Variants in ENAH observed in about 807,000 individuals in gnomAD.
ENAH encodes protein enabled homolog.
A neutral mutation model predicts 78.7 loss-of-function variants in ENAH; 23 were observed. The ratio of observed to expected loss-of-function variants is 0.29; its 90% CI spans 0.21 to 0.41. The LOEUF (loss-of-function observed/expected upper bound fraction) is 0.41. Ranked by LOEUF, ENAH falls within the 10% of genes least tolerant of loss-of-function variation. The pLI is 1.00. For synonymous variants in ENAH, 226 were observed against 241.0 expected, an observed-to-expected ratio of 0.94 and a Z score of 0.58; for missense variants, 544 against 691.0, an observed-to-expected ratio of 0.79 and a Z score of 2.39.
chr1:225,629,407 GA>G (rs1658576521), intron 1 of ENAH, among the ~76,000 whole-genome samples: 1 of 152,050 alleles, frequency 6.6e-6, no homozygotes, highest in African/African-American at 2.4e-5. Context: ...CCAACATGGT[GA>G]AACCCCACCT....
intron 3 of ENAH, among the ~76,000 whole-genome samples, chr1:225,543,999 C>A (rs925813982): frequency 6.6e-6 from 1 of 152,074 alleles, no homozygotes; most frequent in East Asian, 1.9e-4. Context: ...TCCAAATGCA[C>A]GAAAGCACAG....
intron 1 of ENAH, 66 bp downstream of exon 1, chr1:225,652,620 G>C: frequency 8.0e-7 from 1 of 1,252,204 alleles, no homozygotes; most frequent in Non-Finnish European, 1.0e-6. Context: ...GGGGTCCGAG[G>C]AGAACGGGGG....
At chr1:225,601,305 T>G (rs530524254) in intron 1 of ENAH, among the ~76,000 whole-genome samples, 1 of 152,182 alleles carries the variant, frequency 6.6e-6, no homozygotes, top group East Asian at 1.9e-4. Context: ...CGGATCACGA[T>G]GTCAGGAGAT....
chr1:225,586,117 G>A (rs1008365961), intron 1 of ENAH, among the ~76,000 whole-genome samples: 2 of 151,972 alleles, frequency 1.3e-5, no homozygotes, highest in Non-Finnish European at 2.9e-5. Context: ...TTGGGAAGAT[G>A]AGGCTGGAGG....
chr1:225,519,250 C>T lies in ENAH; in HGVS notation c.750G>A (p.Gln250=), dbSNP rs2096446596. Residue 250 remains glutamine, a synonymous_variant, in exon 5 of 14, where the codon CAG becomes CAA. Coordinates refer to ENST00000366843, the MANE Select transcript of ENAH (RefSeq NM_018212.6). ...RERQERERQE[Q]LEREQLEWER... ...CCCATTCCAGCTGTTCCCTTTCTAA[C>T]TGCTCTTGTCGCTCCCTTTCTTGCC... is the stretch of plus-strand genomic sequence containing the variant. 2 of 1,614,132 alleles carry T rather than the reference C, an allele frequency of 1.2e-6. No individual in the cohort carries two copies. The highest frequency in any genetic ancestry group is 1.7e-5 in the Admixed American group (1 of 60,016).
intron 6 of ENAH, among the ~76,000 whole-genome samples, chr1:225,516,894 GA>G (rs946934425): frequency 8.8e-5 from 13 of 148,100 alleles, no homozygotes; most frequent in Non-Finnish European, 1.7e-4. Flanking sequence ...AAAAAAAAAA[GA>G]AAAAAATAAA....
intron 3 of ENAH, among the ~76,000 whole-genome samples, chr1:225,543,985 C>T (rs2096601475): frequency 6.6e-6 from 1 of 152,312 alleles, no homozygotes; most frequent in Admixed American, 6.5e-5. Context: ...GGCACCATCA[C>T]GCTTCCAAAT....
chr1:225,565,442 TAA>T (rs11286134), intron 2 of ENAH, among the ~76,000 whole-genome samples: 27 of 149,484 alleles, frequency 1.8e-4, no homozygotes, highest in Admixed American at 2.7e-4. Context: ...TCTCAAATAA[TAA>T]AAAAAAAAAA....
intron 1 of ENAH, among the ~76,000 whole-genome samples, chr1:225,580,912 C>CAAAAAAA (rs78529288): frequency 2.0e-4 from 13 of 63,892 alleles, no homozygotes; most frequent in East Asian, 4.5e-4. Context: ...AGAAAAAAAC[C>CAAAAAAA]AAAAAAAAAA....
rs1391942281 is a variant in ENAH, at chr1:225,492,105, G to C, written c.*5670C>G. On this transcript the variant is annotated 3_prime_UTR_variant, in exon 14 of 14. Coordinates refer to ENST00000366843, the MANE Select transcript of ENAH (RefSeq NM_018212.6). ...AGAATTTTTTTTTTTTTTTTTTAGAGACAGGTTCTCGCTCTGTCACCCAGG... is the reference window on the plus strand; with the variant it reads ...AGAATTTTTTTTTTTTTTTTTTAGACACAGGTTCTCGCTCTGTCACCCAGG... 1 of 140,830 alleles carries C rather than the reference G, an allele frequency of 7.1e-6. No homozygotes were observed. Among genetic ancestry groups the C allele is most frequent in the Admixed American group, 7.4e-5 (1 of 13,576 alleles). The allele number at this position is 140,830 out of a possible 1,614,324, so 8.7% of individuals were successfully genotyped here.
At position 225,519,206 on chromosome 1, in the gene ENAH, G is replaced by A. The variant is rs150540046; in HGVS notation, c.794C>T (p.Ser265Leu). The A allele has an allele frequency of 2.5e-4, 400 of 1,613,826 alleles. No individual in the cohort carries two copies. The African/African-American group carries it at 3.2e-3, about 13-fold the overall frequency. ...GTTTGTAAACTTCTTACCAGCACTT[G>A]ATATTCTGCGCTCTCTCTCCCATTC... is the stretch of plus-strand genomic sequence containing the variant. ...QLEWERERRI[S>L]SAAAPASVET... The change falls in exon 5 of 14, where the codon TCA becomes TTA. Residue 265 changes from serine to leucine, a missense_variant. Ser to Leu is a moderately radical substitution (Grantham distance 145). Coordinates refer to ENST00000366843, the MANE Select transcript of ENAH (RefSeq NM_018212.6).
At chr1:225,520,434 GCA>G (rs2096458319) in intron 4 of ENAH, among the ~76,000 whole-genome samples, 2 of 152,108 alleles carry the variant, frequency 1.3e-5, no homozygotes, top group South Asian at 4.2e-4. Flanking sequence ...ACACATACGC[GCA>G]CACACGCACC....
In ENAH at chr1:225,497,610, A is replaced by G; in HGVS notation, c.*165T>C. 1.9e-6 allele frequency: 1 copy of G among 524,010 alleles called. No homozygotes were observed. The highest frequency in any genetic ancestry group is 3.3e-5 in the South Asian group (1 of 30,300). The allele number at this position is 524,010 out of a possible 1,614,324, so 32.5% of individuals were successfully genotyped here. A position where few individuals can be genotyped will look rare whatever the true frequency, so the allele number is the denominator to read the frequency against. On this transcript the variant is annotated 3_prime_UTR_variant, in exon 14 of 14. Coordinates refer to ENST00000366843, the MANE Select transcript of ENAH (RefSeq NM_018212.6). ...AGGGAAAGAGCTTATCACCAGAGTC[A>G]TAATGTCTGAAGGCTTTCAGAGTAG...
intron 1 of ENAH, among the ~76,000 whole-genome samples, chr1:225,621,745 A>G (rs1391826318): frequency 6.6e-6 from 1 of 152,150 alleles, no homozygotes; most frequent in Non-Finnish European, 1.5e-5. Context: ...TAACTGAATA[A>G]ATCCCAAGCA....
chr1:225,591,524 TG>T (rs1402749523), intron 1 of ENAH, among the ~76,000 whole-genome samples: 2 of 149,230 alleles, frequency 1.3e-5, no homozygotes, highest in Admixed American at 1.3e-4. Flanking sequence ...CCCAGAACTT[TG>T]GGAGTCCAAG....
At chr1:225,611,690 G>A (rs564058457) in intron 1 of ENAH, among the ~76,000 whole-genome samples, 2 of 152,250 alleles carry the variant, frequency 1.3e-5, no homozygotes, top group South Asian at 2.1e-4. Flanking sequence ...AGGAGGCTGA[G>A]GTGGGAGGAT....
chr1:225,596,332 T>C (rs1330563833), intron 1 of ENAH, among the ~76,000 whole-genome samples: 2 of 152,194 alleles, frequency 1.3e-5, no homozygotes, highest in African/African-American at 4.8e-5. Flanking sequence ...ACATGACTGA[T>C]CCTTCTACGA....
chr1:225,582,920 T>C (rs1202347448), intron 1 of ENAH, among the ~76,000 whole-genome samples: 1 of 152,178 alleles, frequency 6.6e-6, no homozygotes, highest in African/African-American at 2.4e-5. Context: ...TATATCACAG[T>C]TGAAGACGAA....
chr1:225,591,455 C>G (rs1318209346), intron 1 of ENAH, among the ~76,000 whole-genome samples: 1 of 142,074 alleles, frequency 7.0e-6, no homozygotes, highest in African/African-American at 2.6e-5. Flanking sequence ...GCGACAAGAG[C>G]GAAACTACGT....
Sources: gnomAD v4.1 joint callset for allele counts (sites outside exome capture counted in the v4.1 genomes callset) on GRCh38, gnomAD v4.1.1 for gene constraint, MANE v1.5 for transcripts, NCBI Gene and HGNC (gene_info 2026-07-23, HGNC 2026-07-21) for gene names.